The following ERBB3 variants were observed in gnomAD, a reference collection of about 807,000 sequenced individuals.
ERBB3 encodes erb-b2 receptor tyrosine kinase 3.
In ERBB3, 96 loss-of-function variants were observed where a neutral mutation model predicts 156.7. The ratio of observed to expected loss-of-function variants is 0.61; its 90% CI spans 0.52 to 0.73. ERBB3 has a LOEUF of 0.73. Among genes scored for constraint, ERBB3 ranks in the 30% least tolerant of loss-of-function variants. ERBB3 has a pLI of 0.00. For synonymous variants in ERBB3, 567 were observed against 632.0 expected (o/e 0.90, Z 1.54); for missense variants, 1,406 against 1,709.4 (o/e 0.82, Z 3.13).
chr12:56,081,798 G>C (rs1226587070), intron 1 of ERBB3, among the ~76,000 whole-genome samples: 5 of 152,062 alleles, frequency 3.3e-5, no homozygotes, highest in African/African-American at 1.2e-4. Flanking sequence ...GATGTTGGAG[G>C]GGAGGCCTCT....
chr12:56,080,778 C>G (rs1189090796), intron 1 of ERBB3, among the ~76,000 whole-genome samples: 1 of 152,198 alleles, frequency 6.6e-6, no homozygotes, highest in African/African-American at 2.4e-5. Context: ...CCCCTGCCCC[C>G]CACCCGCGCC....
rs1030343269 is a variant in ERBB3 at position 56,095,713 on chromosome 12, G to A, written c.1962G>A (p.Val654=). 14 of 1,614,102 alleles carry A rather than the reference G, an allele frequency of 8.7e-6. No individual in the cohort carries two copies. The highest frequency in any genetic ancestry group is 1.1e-5 in the Non-Finnish European group (13 of 1,180,046). Residue 654 remains valine, a synonymous_variant, in exon 17 of 28, where the codon GTG becomes GTA. Coordinates refer to ENST00000267101, the MANE Select transcript of ERBB3 (RefSeq NM_001982.4). ...TGACAGTGATAGCAGGATTGGTAGTGATTTTCATGATGCTGGGCGGCACTT... is the reference window on the plus strand; with the variant it reads ...TGACAGTGATAGCAGGATTGGTAGTAATTTTCATGATGCTGGGCGGCACTT... ...MALTVIAGLV[V]IFMMLGGTFL... is the part of the protein sequence containing the mutation.
rs547261509 is a variant in ERBB3, at chr12:56,102,988, A to G, written c.*933A>G. ...CAGGGGAAAAAAAAAAAAGAAACTGAGCCTTAAAGAGATGAAATAAATTAA... is the reference window on the plus strand; with the variant it reads ...CAGGGGAAAAAAAAAAAAGAAACTGGGCCTTAAAGAGATGAAATAAATTAA... On this transcript the variant is annotated 3_prime_UTR_variant, in exon 28 of 28. Coordinates refer to ENST00000267101, the MANE Select transcript of ERBB3 (RefSeq NM_001982.4). The G allele has an allele frequency of 4.4e-6, 1 of 229,106 alleles. No individual in the cohort carries two copies. The highest frequency in any genetic ancestry group is 8.7e-6 in the Non-Finnish European group (1 of 115,586). The allele number at this position is 229,106 out of a possible 1,614,324, so 14.2% of individuals were successfully genotyped here.
intron 20 of ERBB3, 31 bp downstream of exon 20, chr12:56,097,261 A>G (rs1372990552): frequency 1.2e-6 from 2 of 1,604,988 alleles, no homozygotes; most frequent in Admixed American, 1.7e-5. Context: ...TTCTGTGATA[A>G]GAACTGCTTG....
At chr12:56,087,212 C>A (rs1868515601) in intron 4 of ERBB3, among the ~76,000 whole-genome samples, 1 of 152,046 alleles carries the variant, frequency 6.6e-6, no homozygotes, top group Admixed American at 6.6e-5. Flanking sequence ...TTACTCGTTC[C>A]ACTAGAATAT....
Position 56,101,950 on chromosome 12 carries a change from C to A in ERBB3, c.3924C>A (p.Ala1308=), listed in dbSNP as rs749298219. ...PGHQAPHVHY[A]RLKTLRSLEA... ...ATCAGGCCCCCCATGTCCATTATGC[C>A]CGCCTAAAAACTCTACGTAGCTTAG... is the stretch of plus-strand genomic sequence containing the variant. Residue 1308 remains alanine, a synonymous_variant, in exon 28 of 28, where the codon GCC becomes GCA. Transcript: ENST00000267101. The A allele has an allele frequency of 1.2e-6, 2 of 1,613,450 alleles. No homozygotes were observed. The highest frequency in any genetic ancestry group is 1.7e-6 in the Non-Finnish European group (2 of 1,179,766).
intron 3 of ERBB3, 36 bp from the exon 4 acceptor site, chr12:56,086,495 C>T (rs373476674): frequency 3.9e-5 from 63 of 1,613,218 alleles, no homozygotes; most frequent in East Asian, 1.6e-4. Context: ...CGTTCCGCTG[C>T]GGCCCTTAAC....
intron 26 of ERBB3, 83 bp from the exon 27 acceptor site, chr12:56,100,978 C>T: frequency 2.7e-6 from 3 of 1,112,236 alleles, no homozygotes; most frequent in Non-Finnish European, 3.9e-6. Flanking sequence ...AGTGAACAAC[C>T]CAATATCCTT....
intron 9 of ERBB3, among the ~76,000 whole-genome samples, chr12:56,090,038 T>C (rs974423142): frequency 6.6e-6 from 1 of 151,494 alleles, no homozygotes; most frequent in Non-Finnish European, 1.5e-5. Context: ...TTCCCCAGGC[T>C]AGAGTGCAGT....
At chr12:56,087,066 G>A (rs1868509577) in intron 4 of ERBB3, among the ~76,000 whole-genome samples, 1 of 151,704 alleles carries the variant, frequency 6.6e-6, no homozygotes, top group South Asian at 2.1e-4. Context: ...GAGCCCAGGA[G>A]GCTGCAGCTG....
chr12:56,085,054 A>G lies in ERBB3; in HGVS notation c.294A>G (p.Pro98=), dbSNP rs773682670. 3.1e-6 allele frequency: 5 copies of G among 1,613,972 alleles called. No homozygotes were observed. The highest frequency in any genetic ancestry group is 1.3e-5 in the African/African-American group (1 of 74,874). Residue 98 remains proline, a synonymous_variant, in exon 3 of 28, where the codon CCA becomes CCG. Coordinates refer to ENST00000267101, the MANE Select transcript of ERBB3 (RefSeq NM_001982.4). ...CCATGAATGAATTCTCTACTCTACC[A>G]TTGCCCAACCTCCGCGTGGTGCGAG... ...LVAMNEFSTL[P]LPNLRVVRGT... is the part of the protein sequence containing the mutation.
rs757012593 is a variant in ERBB3, at chr12:56,101,240, C to T, written c.3381C>T (p.Arg1127=). 5.4e-5 allele frequency: 87 copies of T among 1,613,964 alleles called. No individual in the cohort carries two copies. The highest frequency in any genetic ancestry group is 7.2e-5 in the Non-Finnish European group (85 of 1,180,004). ...GCAGGAGCCGGAGCCCACGGCCACG[C>T]GGAGATAGCGCCTACCATTCCCAGC... is the stretch of plus-strand genomic sequence containing the variant. The part of the protein sequence containing the change: ...SRSRSRSPRP[R]GDSAYHSQRH... The change falls in exon 27 of 28, where the codon CGC becomes CGT. Residue 1127 remains arginine (R), a synonymous_variant. Transcript: ENST00000267101.
At position 56,101,087 on chromosome 12, in the gene ERBB3, A is replaced by G; in HGVS notation, c.3228A>G (p.Glu1076=). ...AGTCTGCAGTTTCTGGGAGCAGTGA[A>G]CGGTGCCCCCGTCCAGTCTCTCTAC... ...CQESAVSGSS[E]RCPRPVSLHP... Residue 1076 remains glutamate (E), a synonymous_variant, in exon 27 of 28, where the codon GAA becomes GAG. Transcript: ENST00000267101. 6.2e-7 allele frequency: 1 copy of G among 1,613,984 alleles called. No homozygotes were observed. The highest frequency in any genetic ancestry group is 1.1e-5 in the South Asian group (1 of 91,074).
intron 11 of ERBB3, 91 bp downstream of exon 11, chr12:56,093,167 A>AT: frequency 1.7e-6 from 2 of 1,190,242 alleles, no homozygotes; most frequent in Non-Finnish European, 2.5e-6. Flanking sequence ...ACTGTCTCAT[A>AT]CAGCAGTGCC....
rs750884386 is a variant in ERBB3, at chr12:56,099,919, C to T, written c.3019C>T (p.Pro1007Ser). 11 of 1,614,212 alleles carry T rather than the reference C, an allele frequency of 6.8e-6. No individual in the cohort carries two copies. Among genetic ancestry groups the T allele is most frequent in the Non-Finnish European group, 9.3e-6 (11 of 1,180,028 alleles). Reference sequence around the variant, plus strand: ...GAAGCTAGAGGAAGTAGAGCTGGAGCCAGAACTAGACCTAGACCTAGACTT... The same window carrying T: ...GAAGCTAGAGGAAGTAGAGCTGGAGTCAGAACTAGACCTAGACCTAGACTT... ...NKKLEEVELE[P>S]ELDLDLDLEA... is the part of the protein sequence containing the mutation. The change falls in exon 25 of 28, where the codon CCA (proline) becomes TCA (serine). Residue 1007 changes from proline (P) to serine (S), a missense_variant. Pro to Ser is a moderately conservative substitution (Grantham distance 74). Around this residue, in one of 3 missense-constraint regions of ERBB3, gnomAD observed 415 missense variants for 454.1 expected, o/e 0.91. Coordinates refer to ENST00000267101, the MANE Select transcript of ERBB3 (RefSeq NM_001982.4).
intron 7 of ERBB3, 149 bp from the exon 8 acceptor site, chr12:56,088,394 T>G: frequency 1.2e-6 from 1 of 859,268 alleles, no homozygotes; most frequent in Admixed American, 1.7e-5. Flanking sequence ...CTTTTGAATC[T>G]ATAGGGCAGC....
Position 56,093,053 on chromosome 12 carries a change from C to T in ERBB3, c.1251C>T (p.Thr417=), listed in dbSNP as rs757695889. 6.2e-7 allele frequency: 1 copy of T among 1,613,804 alleles called. No homozygotes were observed. The highest frequency in any genetic ancestry group is 1.1e-5 in the South Asian group (1 of 91,066). ...TCAGTGTTTTTTCCAATTTGACAAC[C>T]ATTGGAGGCAGAAGCCTCTACAAGT... ...HNFSVFSNLT[T]IGGRSLYNRG... Residue 417 remains threonine (T), a synonymous_variant, in exon 11 of 28, where the codon ACC becomes ACT. Coordinates refer to ENST00000267101, the MANE Select transcript of ERBB3 (RefSeq NM_001982.4).
chr12:56,083,346 G>A (rs1042434611), intron 1 of ERBB3: 3 of 336,226 alleles, frequency 8.9e-6, no homozygotes, highest in Admixed American at 4.0e-5. Context: ...GAGAGAGGCA[G>A]GATGAGGGTA....
intron 1 of ERBB3, chr12:56,083,455 C>A: frequency 2.3e-6 from 1 of 436,448 alleles, no homozygotes; most frequent in Non-Finnish European, 4.3e-6. Flanking sequence ...AATTCCCTGT[C>A]TTCCTTCTCA....
Sources: gnomAD v4.1 joint callset for allele counts (sites outside exome capture counted in the v4.1 genomes callset) on GRCh38, gnomAD v4.1.1 for gene constraint, gnomAD v4.1.1 regional missense constraint, MANE v1.5 for transcripts, NCBI Gene and HGNC (gene_info 2026-07-23, HGNC 2026-07-21) for gene names.